NECTIN1: variants seen among roughly 807,000 people sequenced by gnomAD.
NECTIN1 encodes nectin-1.
In NECTIN1, 23 loss-of-function variants were observed where a neutral mutation model predicts 48.0. The observed-to-expected ratio is 0.48, with a 90% confidence interval of 0.34 to 0.68. The LOEUF is 0.68. Ranked by LOEUF, NECTIN1 falls within the 30% of genes least tolerant of loss-of-function variation. The pLI is 0.01. For missense variants in NECTIN1, 591 were observed against 709.9 expected, an observed-to-expected ratio of 0.83 and a Z score of 1.90; for synonymous variants, 270 against 288.9, an observed-to-expected ratio of 0.93 and a Z score of 0.66.
chr11:119,723,293 T>C (rs1865863074), intron 1 of NECTIN1, among the ~76,000 whole-genome samples: 1 of 149,688 alleles, frequency 6.7e-6, no homozygotes, highest in African/African-American at 2.5e-5. Flanking sequence ...CAGCTAGTAA[T>C]TGGTAGAGGT....
chr11:119,708,988 G>C (rs1865591787), intron 1 of NECTIN1, among the ~76,000 whole-genome samples: 1 of 151,990 alleles, frequency 6.6e-6, no homozygotes, highest in Non-Finnish European at 1.5e-5. Flanking sequence ...GCCCAGGACT[G>C]ATTCTGCCCA....
chr11:119,664,195 C>T lies in NECTIN1; in HGVS notation c.*552G>A. The T allele has an allele frequency of 1.0e-6, 1 of 987,078 alleles. No individual in the cohort carries two copies. Among genetic ancestry groups the T allele is most frequent in the Non-Finnish European group, 1.2e-6 (1 of 830,878 alleles). The allele number at this position is 987,078 out of a possible 1,614,324, so 61.1% of individuals were successfully genotyped here. ...AACTGGGGAGAAGCCGCACCCCTCC[C>T]CCTACCTCTTGGGCGCACCAGCTGT... On this transcript the variant is annotated 3_prime_UTR_variant, in exon 6 of 6. Coordinates refer to ENST00000264025, the MANE Select transcript of NECTIN1 (RefSeq NM_002855.5).
At chr11:119,700,490 C>T (rs1440858770) in intron 1 of NECTIN1, among the ~76,000 whole-genome samples, 2 of 152,166 alleles carry the variant, frequency 1.3e-5, no homozygotes, top group Non-Finnish European at 2.9e-5. Context: ...TTGATCCTTC[C>T]TTCAGGTTCC....
intron 5 of NECTIN1, among the ~76,000 whole-genome samples, chr11:119,671,474 G>A (rs1283450843): frequency 1.3e-5 from 2 of 152,124 alleles, no homozygotes; most frequent in African/African-American, 2.4e-5. Flanking sequence ...TGACTGAGGT[G>A]GGTGGGCTGG....
intron 4 of NECTIN1, among the ~76,000 whole-genome samples, chr11:119,675,877 A>G (rs1864937927): frequency 6.6e-6 from 1 of 152,114 alleles, no homozygotes; most frequent in Non-Finnish European, 1.5e-5. Flanking sequence ...GTGGTGGTGC[A>G]CGCCTGTAGT....
intron 1 of NECTIN1, among the ~76,000 whole-genome samples, chr11:119,699,269 C>T (rs762239774): frequency 6.6e-6 from 1 of 152,204 alleles, no homozygotes. Context: ...AGTGCTGGAG[C>T]TTTGACCTGA....
intron 5 of NECTIN1, among the ~76,000 whole-genome samples, chr11:119,645,872 G>C (rs1476863484): frequency 6.6e-6 from 1 of 152,200 alleles, no homozygotes; most frequent in Non-Finnish European, 1.5e-5. Context: ...AACCCACCTA[G>C]AGACTCAAAA....
At chr11:119,718,165 G>A (rs1175344228) in intron 1 of NECTIN1, among the ~76,000 whole-genome samples, 1 of 152,156 alleles carries the variant, frequency 6.6e-6, no homozygotes, top group East Asian at 1.9e-4. Flanking sequence ...CATCACCCTG[G>A]GTGACCCTCG....
At chr11:119,658,871 T>C (rs1475182559), downstream of NECTIN1, 7 of 152,230 alleles carry the variant, frequency 4.6e-5, no homozygotes, top group African/African-American at 9.7e-5. Flanking sequence ...TTGAGCGTGA[T>C]TGGCGCATTC....
intron 1 of NECTIN1, among the ~76,000 whole-genome samples, chr11:119,680,242 C>T (rs906384981): frequency 6.6e-6 from 1 of 152,196 alleles, no homozygotes; most frequent in Non-Finnish European, 1.5e-5. Context: ...CGGTTGTCCT[C>T]AGCACTAGGC....
chr11:119,676,759 A>G, intron 4 of NECTIN1: 1 of 371,368 alleles, frequency 2.7e-6, no homozygotes, highest in South Asian at 2.3e-5. Context: ...GGACACCTTG[A>G]TAAAAATAAA....
chr11:119,677,476 G>C lies in NECTIN1; in HGVS notation c.733+79C>G. The C allele has an allele frequency of 6.7e-7, 1 of 1,498,362 alleles. No individual in the cohort carries two copies. The highest frequency in any genetic ancestry group is 9.3e-7 in the Non-Finnish European group (1 of 1,077,768). 92.8% of individuals were successfully genotyped at this position (1,498,362 alleles called of 1,614,324 possible). A position where few individuals can be genotyped will look rare whatever the true frequency, so the allele number is the denominator to read the frequency against. On this transcript the variant is annotated intron_variant, in intron 3 of 5. Coordinates refer to ENST00000264025, the MANE Select transcript of NECTIN1 (RefSeq NM_002855.5). The surrounding 1 kb of genome is among the most constrained non-coding windows in gnomAD (Gnocchi z 5.4). ...AAGAAAGCACCCCCAGAAAGAGAAA[G>C]GGAGGAGAAAGGAGAGGAGGAGGGA...
In NECTIN1 at chr11:119,663,798, C is replaced by G; in HGVS notation, c.*949G>C. ...AGGGTGGAGGCACCGGGGACCCAGT[C>G]TCAGCTGTCTCTGGAAGCTTCTATA... On this transcript the variant is annotated 3_prime_UTR_variant, in exon 6 of 6. Transcript: ENST00000264025. 3.0e-6 allele frequency: 3 copies of G among 985,540 alleles called. No individual in the cohort carries two copies. Among genetic ancestry groups the G allele is most frequent in the Non-Finnish European group, 3.6e-6 (3 of 830,006 alleles). The allele number at this position is 985,540 out of a possible 1,614,324, so 61.0% of individuals were successfully genotyped here. A position where few individuals can be genotyped will look rare whatever the true frequency, so the allele number is the denominator to read the frequency against.
chr11:119,678,902 G>A lies in NECTIN1; in HGVS notation c.80-137C>T. ...CCGATTGTAAAAATATTAATTACTT[G>A]TTATAAAAACACTCTAGGCAACACT... On this transcript the variant is annotated intron_variant, in intron 1 of 5. Transcript: ENST00000264025. This position sits in a 1 kb window ranked among gnomAD's most constrained non-coding sequence, Gnocchi z 4.4. The A allele has an allele frequency of 2.9e-6, 2 of 696,752 alleles. No homozygotes were observed. Among genetic ancestry groups the A allele is most frequent in the Admixed American group, 2.1e-5 (1 of 46,780 alleles). The allele number at this position is 696,752 out of a possible 1,614,324, so 43.2% of individuals were successfully genotyped here.
intron 1 of NECTIN1, among the ~76,000 whole-genome samples, chr11:119,715,339 G>T (rs375215791): frequency 1.3e-5 from 2 of 152,124 alleles, no homozygotes; most frequent in South Asian, 2.1e-4. Flanking sequence ...GGAACAAGTG[G>T]GCTCAGGTTA....
At chr11:119,649,122 T>C (rs1864454062) in intron 5 of NECTIN1, among the ~76,000 whole-genome samples, 1 of 152,218 alleles carries the variant, frequency 6.6e-6, no homozygotes, top group African/African-American at 2.4e-5. Flanking sequence ...GGCTCATGCC[T>C]GTAATCCCAA....
In NECTIN1 at chr11:119,638,311, T is replaced by C. The variant is rs1247539395; in HGVS notation, c.1228-64A>G. 7 of 1,594,248 alleles carry C rather than the reference T, an allele frequency of 4.4e-6. 1 individual carries two copies. Among genetic ancestry groups the C allele is most frequent in the Middle Eastern group, 1.8e-4 (1 of 5,508 alleles). ...ATGCCCCTGCTCCAGGTGGCCCTCA[T>C]GGACTCCCAGTTGGATTGGGACTCC... On this transcript the variant is annotated intron_variant, in intron 7 of 7. Transcript: ENST00000341398.
intron 1 of NECTIN1, among the ~76,000 whole-genome samples, chr11:119,686,151 C>T (rs1188566949): frequency 6.6e-6 from 1 of 152,222 alleles, no homozygotes; most frequent in Non-Finnish European, 1.5e-5. Context: ...CTTACTGATG[C>T]CAGCTCCTAA....
Position 119,677,784 on chromosome 11 carries a change from C to T in NECTIN1, c.504G>A (p.Leu168=), listed in dbSNP as rs748175072. 6.2e-7 allele frequency: 1 copy of T among 1,614,098 alleles called. No individual in the cohort carries two copies. The highest frequency in any genetic ancestry group is 8.5e-7 in the Non-Finnish European group (1 of 1,179,996). ...CATTGGCTGAGGTGCAGGTGGCCAC[C>T]AGGACCTTGTCATCCTGCCCCTTCT... is the stretch of plus-strand genomic sequence containing the variant. ...RAKKGQDDKV[L]VATCTSANGK... is the part of the protein sequence containing the mutation. Residue 168 remains leucine (L), a synonymous_variant, in exon 3 of 6, where the codon CTG becomes CTA. Coordinates refer to ENST00000264025, the MANE Select transcript of NECTIN1 (RefSeq NM_002855.5). The surrounding 1 kb of genome is among the most constrained non-coding windows in gnomAD (Gnocchi z 5.4).
Sources: gnomAD v4.1 joint callset for allele counts (sites outside exome capture counted in the v4.1 genomes callset) on GRCh38, gnomAD v4.1.1 for gene constraint, Gnocchi (gnomAD v3.1) non-coding constraint, MANE v1.5 for transcripts, NCBI Gene and HGNC (gene_info 2026-07-23, HGNC 2026-07-21) for gene names.